NHS: variants seen among roughly 807,000 people sequenced by gnomAD.
NHS encodes the protein actin remodeling regulator NHS.
Under a neutral mutation model 72.5 loss-of-function variants are expected in NHS, and 5 were observed. The ratio of observed to expected loss-of-function variants is 0.07; its 90% CI spans 0.04 to 0.14. The LOEUF (loss-of-function observed/expected upper bound fraction) is 0.14, where lower values mean the gene tolerates loss of function less well. Ranked by LOEUF, NHS falls within the 10% of genes least tolerant of loss-of-function variation. The pLI is 1.00. For missense variants in NHS, 1,072 were observed against 1,355.7 expected (o/e 0.79, Z 3.29); for synonymous variants, 464 against 547.7 (o/e 0.85, Z 2.13).
rs761344155 is a variant in NHS, at chrX:17,726,174, C to T, written c.2068C>T (p.His690Tyr). ...SVFVTEQYND[H>Y]LDKVRGHRAN... ...TTTCGTGACAGAGCAATACAATGAC[C>T]ACTTGGATAAAGTGAGAGGCCATCG... The change falls in exon 7 of 9, where the codon CAC (histidine) becomes TAC (tyrosine). Residue 690 changes from histidine to tyrosine, a missense_variant. His to Tyr is a moderately conservative substitution (Grantham distance 83). Coordinates refer to ENST00000676302, the MANE Select transcript of NHS (RefSeq NM_001291867.2). 6 of 1,212,090 alleles carry T rather than the reference C, an allele frequency of 5.0e-6. No individual in the cohort carries two copies. The highest frequency in any genetic ancestry group is 6.7e-6 in the Non-Finnish European group (6 of 895,576).
At chrX:17,615,261 C>CATATATATATATATAT (rs756380375) in intron 1 of NHS, among the ~76,000 whole-genome samples, 40 of 89,809 alleles carry the variant, frequency 4.5e-4, no homozygotes, top group African/African-American at 2.0e-3. Flanking sequence ...CATATATACA[C>CATATATATATATATAT]ATATATATAT....
chrX:17,459,148 T>G (rs143332439), intron 1 of NHS, among the ~76,000 whole-genome samples: 1,198 of 112,906 alleles, frequency 0.011, 15 homozygotes, highest in African/African-American at 0.036. Context: ...AATTACTGTA[T>G]GAACAGGGAA....
chrX:17,464,350 C>G (rs1410149937), intron 1 of NHS, among the ~76,000 whole-genome samples: 1 of 111,944 alleles, frequency 8.9e-6, no homozygotes, highest in Non-Finnish European at 1.9e-5. Flanking sequence ...CCCTTTAAGA[C>G]TTGTGAAAGA....
At chrX:17,692,310 T>C in intron 2 of NHS, 25 bp from the exon 3 acceptor site, 1 of 1,208,971 alleles carries the variant, frequency 8.3e-7, no homozygotes, top group Non-Finnish European at 1.1e-6. Context: ...TGTATTTCAG[T>C]ATTACTGCTT....
chrX:17,727,682 A>G lies in NHS; in HGVS notation c.3576A>G (p.Gln1192=). The part of the protein sequence containing the change: ...PHTANKSVSR[Q]YSTEDTILSF... ...CAGCAAATAAATCAGTATCTCGTCA[A>G]TACTCCACTGAAGACACCATACTGT... The change falls in exon 7 of 9, where the codon CAA becomes CAG. Residue 1192 remains glutamine, a synonymous_variant. Transcript: ENST00000676302. 1 of 1,211,915 alleles carries G rather than the reference A, an allele frequency of 8.3e-7. No homozygotes were observed. The highest frequency in any genetic ancestry group is 1.1e-6 in the Non-Finnish European group (1 of 895,379).
chrX:17,487,334 G>A (rs188551057), intron 1 of NHS, among the ~76,000 whole-genome samples: 1 of 111,630 alleles, frequency 9.0e-6, no homozygotes, highest in African/African-American at 3.3e-5. Context: ...AGTTATCCAG[G>A]GTTTTTTTCT....
intron 1 of NHS, among the ~76,000 whole-genome samples, chrX:17,433,482 G>A (rs1287606219): frequency 2.7e-5 from 3 of 110,565 alleles, no homozygotes; most frequent in African/African-American, 9.9e-5. Flanking sequence ...GCCTATTCTA[G>A]GGCATGGCTG....
In NHS at chrX:17,732,452, G is replaced by A. The variant is rs751073928; in HGVS notation, c.4944G>A (p.Gln1648=). ...GCCCACATGACGACCGTTCCTCCCA[G>A]AGTTCAACATAGACTGCCTGTACCA... The part of the protein sequence containing the change: ...DGSPHDDRSS[Q]SST The change falls in exon 9 of 9, where the codon CAG becomes CAA. Residue 1648 remains glutamine, a synonymous_variant. Transcript: ENST00000676302. 7 of 1,211,408 alleles carry A rather than the reference G, an allele frequency of 5.8e-6. No individual in the cohort carries two copies. The African/African-American group carries it at 1.0e-4, about 18-fold the overall frequency.
At chrX:17,559,380 A>C (rs1382164448) in intron 1 of NHS, among the ~76,000 whole-genome samples, 1 of 112,262 alleles carries the variant, frequency 8.9e-6, no homozygotes, top group Non-Finnish European at 1.9e-5. Flanking sequence ...ATCTTTAAGC[A>C]GAGGCTTGAT....
chrX:17,382,483 C>T (rs1210242362), intron 1 of NHS, among the ~76,000 whole-genome samples: 2 of 112,202 alleles, frequency 1.8e-5, no homozygotes, highest in African/African-American at 6.5e-5. Context: ...ACAAATTCTT[C>T]ACCAACCTCG....
intron 1 of NHS, among the ~76,000 whole-genome samples, chrX:17,611,256 T>TGAGGGAAGCCAGTGAACACAATAA (rs1332443698): frequency 2.7e-5 from 3 of 112,263 alleles, no homozygotes; most frequent in Non-Finnish European, 5.6e-5. Context: ...TCCATTTATA[T>TGAGGGAAGCCAGTGAACACAATAA]GAGGGAAGCC....
At chrX:17,413,802 A>G (rs2064576142) in intron 1 of NHS, among the ~76,000 whole-genome samples, 1 of 111,770 alleles carries the variant, frequency 8.9e-6, no homozygotes, top group Non-Finnish European at 1.9e-5. Context: ...ATAAACATAA[A>G]CAAATCTTAC....
At chrX:17,571,591 G>C (rs1333123093) in intron 1 of NHS, among the ~76,000 whole-genome samples, 1 of 111,519 alleles carries the variant, frequency 9.0e-6, no homozygotes, top group Non-Finnish European at 1.9e-5. Flanking sequence ...TGGTCTATCT[G>C]TTTTGTTGAT....
chrX:17,568,558 T>C (rs1485692545), intron 1 of NHS, among the ~76,000 whole-genome samples: 1 of 108,518 alleles, frequency 9.2e-6, no homozygotes, highest in Non-Finnish European at 1.9e-5. Flanking sequence ...GAAAGTTTAT[T>C]TCTTGCTCAT....
At chrX:17,710,026 A>C (rs1200844265) in intron 3 of NHS, among the ~76,000 whole-genome samples, 1 of 111,928 alleles carries the variant, frequency 8.9e-6, no homozygotes, top group Admixed American at 9.5e-5. Flanking sequence ...CAATGCTAAC[A>C]GAAACAGTGA....
intron 1 of NHS, among the ~76,000 whole-genome samples, chrX:17,411,800 T>C (rs778755804): frequency 8.9e-6 from 1 of 112,135 alleles, no homozygotes; most frequent in South Asian, 3.7e-4. Context: ...ACCCTATGTT[T>C]ATATTCACCC....
At chrX:17,538,125 C>T (rs1026538968) in intron 1 of NHS, among the ~76,000 whole-genome samples, 2 of 111,859 alleles carry the variant, frequency 1.8e-5, no homozygotes, top group African/African-American at 6.5e-5. Context: ...AGGTCAGGAG[C>T]ATGAACTTCT....
At chrX:17,524,026 G>A (rs980305910) in intron 1 of NHS, among the ~76,000 whole-genome samples, 5 of 111,739 alleles carry the variant, frequency 4.5e-5, no homozygotes, top group African/African-American at 1.6e-4. Flanking sequence ...TTGACTACTC[G>A]GGGGTACAAT....
chrX:17,416,159 C>T (rs1476024119), intron 1 of NHS, among the ~76,000 whole-genome samples: 2 of 111,135 alleles, frequency 1.8e-5, no homozygotes, highest in Non-Finnish European at 3.8e-5. Context: ...GTCTCTCTCT[C>T]ACCCTCATCC....
Sources: gnomAD v4.1 joint callset for allele counts (sites outside exome capture counted in the v4.1 genomes callset) on GRCh38, gnomAD v4.1.1 for gene constraint, MANE v1.5 for transcripts, NCBI Gene and HGNC (gene_info 2026-07-23, HGNC 2026-07-21) for gene names.